The following EPHA6 variants were observed in gnomAD, a reference collection of about 807,000 sequenced individuals.
The protein encoded by EPHA6 is ephrin type-A receptor 6.
A neutral mutation model predicts 112.0 loss-of-function variants in EPHA6; 50 were observed. That is an observed-to-expected ratio of 0.45 (90% CI 0.36 to 0.56). The LOEUF (loss-of-function observed/expected upper bound fraction) is 0.56, where lower values mean the gene tolerates loss of function less well. EPHA6 is among the 20% of genes least tolerant of loss of function. The pLI is 0.00. For missense variants in EPHA6, 1,280 were observed against 1,417.4 expected (o/e 0.90, Z 1.56); for synonymous variants, 529 against 490.7 (o/e 1.08, Z -1.03).
chr3:97,591,908 A>G (rs1560168974), intron 11 of EPHA6, among the ~76,000 whole-genome samples: 1 of 152,130 alleles, frequency 6.6e-6, no homozygotes, highest in Non-Finnish European at 1.5e-5. Context: ...TAACTAGATG[A>G]TCTCTACACT....
At chr3:97,430,126 C>T (rs2089415842) in intron 6 of EPHA6, among the ~76,000 whole-genome samples, 1 of 152,050 alleles carries the variant, frequency 6.6e-6, no homozygotes. Context: ...GAATGAATAA[C>T]ATTCATATTC....
intron 5 of EPHA6, among the ~76,000 whole-genome samples, chr3:97,340,877 G>A (rs1245742459): frequency 6.6e-6 from 1 of 152,134 alleles, no homozygotes; most frequent in Non-Finnish European, 1.5e-5. Flanking sequence ...CTTCTTTATA[G>A]ATCATATCTC....
intron 10 of EPHA6, among the ~76,000 whole-genome samples, chr3:97,519,076 G>C (rs1394129397): frequency 6.6e-6 from 1 of 151,976 alleles, no homozygotes; most frequent in Non-Finnish European, 1.5e-5. Flanking sequence ...TGCATAGCCC[G>C]GGATCCTGAA....
chr3:97,405,385 G>T (rs1276999613), intron 6 of EPHA6, 111 bp downstream of exon 6: 11 of 944,104 alleles, frequency 1.2e-5, no homozygotes, highest in Non-Finnish European at 1.5e-5. Flanking sequence ...TTCTTCTTTG[G>T]CCTAGCCTCA....
chr3:97,675,448 C>T (rs1397711440), intron 14 of EPHA6, among the ~76,000 whole-genome samples: 2 of 152,066 alleles, frequency 1.3e-5, no homozygotes, highest in Admixed American at 6.6e-5. Context: ...ACACTGCACT[C>T]CAGCCTGGGC....
intron 2 of EPHA6, among the ~76,000 whole-genome samples, chr3:96,950,397 G>C (rs2041474735): frequency 6.6e-6 from 1 of 152,106 alleles, no homozygotes; most frequent in Non-Finnish European, 1.5e-5. Context: ...TGGTATACTG[G>C]TGTAAGCCTC....
In EPHA6 at chr3:97,475,447, T is replaced by G; in HGVS notation, c.1990T>G (p.Leu664Val). The G allele has an allele frequency of 6.2e-7, 1 of 1,609,682 alleles. No individual in the cohort carries two copies. The highest frequency in any genetic ancestry group is 1.1e-5 in the South Asian group (1 of 90,456). ...CCTCGTCATCCTCACTTTATTCTTC[T>G]TGATCACTGGGAGGTAACTGAAACA... ...TLLVILTLFFLITGRCQWYIK... is the reference protein window; with the variant it reads ...TLLVILTLFFVITGRCQWYIK... The change falls in exon 8 of 18, where the codon TTG becomes GTG. Residue 664 changes from leucine (L) to valine (V), a missense_variant. By Grantham distance (32) the Leu-to-Val change is conservative. Coordinates refer to ENST00000389672, the MANE Select transcript of EPHA6 (RefSeq NM_001080448.3).
intron 3 of EPHA6, among the ~76,000 whole-genome samples, chr3:97,171,324 C>T (rs2076693919): frequency 6.6e-6 from 1 of 151,922 alleles, no homozygotes; most frequent in African/African-American, 2.4e-5. Context: ...GAAGATAAAG[C>T]TTAAACTTTT....
intron 3 of EPHA6, among the ~76,000 whole-genome samples, chr3:97,044,971 G>A (rs557865545): frequency 5.9e-5 from 9 of 152,110 alleles, no homozygotes; most frequent in African/African-American, 2.2e-4. Flanking sequence ...TTCTCATATG[G>A]ATAAATTAGT....
intron 5 of EPHA6, among the ~76,000 whole-genome samples, chr3:97,247,604 A>G (rs2079021198): frequency 6.6e-6 from 1 of 151,942 alleles, no homozygotes. Context: ...GAACCAGGCA[A>G]AAGTTGGATA....
intron 1 of EPHA6, among the ~76,000 whole-genome samples, chr3:96,853,345 C>G (rs1368978140): frequency 6.6e-6 from 1 of 152,056 alleles, no homozygotes; most frequent in Non-Finnish European, 1.5e-5. Flanking sequence ...ATGGAAGTGT[C>G]TAATCAGTGG....
intron 11 of EPHA6, among the ~76,000 whole-genome samples, chr3:97,538,980 T>C (rs533937016): frequency 1.3e-5 from 2 of 148,340 alleles, no homozygotes; most frequent in Admixed American, 6.7e-5. Flanking sequence ...ACACTTTCTC[T>C]CTCTTTCTTT....
chr3:97,152,381 AGTT>A (rs2076189967), intron 3 of EPHA6, among the ~76,000 whole-genome samples: 3 of 150,876 alleles, frequency 2.0e-5, no homozygotes, highest in South Asian at 4.1e-4. Context: ...TATGTGAAAA[AGTT>A]GATGACAGTA....
intron 14 of EPHA6, among the ~76,000 whole-genome samples, chr3:97,702,985 T>C (rs925498741): frequency 1.3e-5 from 2 of 152,158 alleles, no homozygotes; most frequent in Admixed American, 6.5e-5. Context: ...GTTAATATTT[T>C]CTTTTTAAGA....
intron 3 of EPHA6, among the ~76,000 whole-genome samples, chr3:97,223,946 G>A (rs1396050400): frequency 1.3e-5 from 2 of 151,836 alleles, no homozygotes; most frequent in Non-Finnish European, 2.9e-5. Context: ...GTATTCACTA[G>A]CCATGTGAGG....
chr3:97,713,938 G>A (rs1029531405), intron 14 of EPHA6, among the ~76,000 whole-genome samples: 1 of 152,190 alleles, frequency 6.6e-6, no homozygotes, highest in Non-Finnish European at 1.5e-5. Flanking sequence ...GACAATGGCA[G>A]GGGTTTAAGC....
At chr3:97,646,098 A>C (rs1476341061) in intron 14 of EPHA6, 4 of 1,515,556 alleles carry the variant, frequency 2.6e-6, no homozygotes, top group Non-Finnish European at 3.5e-6. Flanking sequence ...ATTTTCCATT[A>C]AAATGACTTT....
At chr3:97,204,614 A>G (rs2077666023) in intron 3 of EPHA6, among the ~76,000 whole-genome samples, 1 of 152,124 alleles carries the variant, frequency 6.6e-6, no homozygotes, top group African/African-American at 2.4e-5. Context: ...TTCTATGAGA[A>G]TTTAACGCAG....
intron 3 of EPHA6, among the ~76,000 whole-genome samples, chr3:97,141,003 A>C (rs1374703258): frequency 6.6e-6 from 1 of 152,136 alleles, no homozygotes; most frequent in Non-Finnish European, 1.5e-5. Flanking sequence ...TGCAAGCAAA[A>C]AACAATGATG....
Sources: allele counts gnomAD v4.1 joint callset (sites outside exome capture counted in the v4.1 genomes callset), GRCh38; gene constraint gnomAD v4.1.1; transcripts MANE v1.5; gene names NCBI Gene and HGNC (gene_info 2026-07-23, HGNC 2026-07-21).